The following PPP2R2B variants were observed in gnomAD, a reference collection of about 807,000 sequenced individuals.
PPP2R2B encodes the protein serine/threonine-protein phosphatase 2A 55 kDa regulatory subunit B beta isoform.
Under a neutral mutation model 46.0 loss-of-function variants are expected in PPP2R2B, and 5 were observed. The ratio of observed to expected loss-of-function variants is 0.11; its 90% CI spans 0.06 to 0.23. The LOEUF (loss-of-function observed/expected upper bound fraction) is 0.23, where lower values mean the gene tolerates loss of function less well. Among genes scored for constraint, PPP2R2B ranks in the 10% least tolerant of loss-of-function variants. The probability of loss-of-function intolerance (pLI) is 1.00; values close to 1 mark genes in which losing one functional copy is unlikely to be tolerated. For synonymous variants in PPP2R2B, 215 were observed against 206.7 expected (o/e 1.04, Z -0.34); for missense variants, 367 against 575.0 (o/e 0.64, Z 3.70).
At chr5:146,605,186 G>A (rs1416791129) in intron 7 of PPP2R2B, among the ~76,000 whole-genome samples, 1 of 152,178 alleles carries the variant, frequency 6.6e-6, no homozygotes, top group African/African-American at 2.4e-5. Context: ...CTCACAGCTA[G>A]TAGGAACAGA....
At position 146,855,257 on chromosome 5, in the gene PPP2R2B, A is replaced by C. The variant is rs138750868; in HGVS notation, c.70+22745T>G. Among the ~76,000 whole-genome samples the C allele has an allele frequency of 3.7e-3, 565 of 152,332 alleles. 1 individual carries two copies. The highest frequency in any genetic ancestry group is 5.7e-3 in the Non-Finnish European group (388 of 68,030). The stretch of plus-strand genomic sequence containing the variant: ...GAGCAAAAGGTAATTTTTCAATAGC[A>C]AGGGAAGAGCTGAACTCTACCTCAC... On this transcript the variant is annotated intron_variant, in intron 2 of 9. Coordinates refer to ENST00000394411, the MANE Select transcript of PPP2R2B (RefSeq NM_181675.4).
chr5:146,767,581 T>A (rs1027483375), intron 2 of PPP2R2B, among the ~76,000 whole-genome samples: 1 of 152,038 alleles, frequency 6.6e-6, no homozygotes, highest in African/African-American at 2.4e-5. Flanking sequence ...TTTAGTAGAC[T>A]TTTTTAGAGC....
intron 1 of PPP2R2B, among the ~76,000 whole-genome samples, chr5:146,990,274 T>C (rs1753636719): frequency 6.6e-6 from 1 of 151,970 alleles, no homozygotes; most frequent in Middle Eastern, 3.4e-3. Flanking sequence ...AATTACCAAA[T>C]AAATTTTGAG....
intron 3 of PPP2R2B, among the ~76,000 whole-genome samples, chr5:146,699,602 G>C (rs1779414048): frequency 6.6e-6 from 1 of 150,912 alleles, no homozygotes; most frequent in Non-Finnish European, 1.5e-5. Flanking sequence ...TGCTGCCTTG[G>C]GTAATTTATG....
rs1754364088 is a variant in PPP2R2B, at chr5:146,764,665, T to C, written c.71-63523A>G. ...TCCATTATACATCTCCATTCAGTCA[T>C]AGGCAACCTCAGTGGGAATGTCACA... is the stretch of plus-strand genomic sequence containing the variant. On this transcript the variant is annotated intron_variant, in intron 2 of 9. Coordinates refer to ENST00000394411, the MANE Select transcript of PPP2R2B (RefSeq NM_181675.4). Among the ~76,000 whole-genome samples, 5 of 152,268 alleles carry C rather than the reference T, an allele frequency of 3.3e-5. No individual in the cohort carries two copies. In the South Asian group the frequency reaches 1.0e-3, roughly 32 times the overall value.
In PPP2R2B at chr5:146,685,937, C is replaced by T. The variant is rs545538185; in HGVS notation, c.447+5191G>A. On this transcript the variant is annotated intron_variant, in intron 5 of 9. Transcript: ENST00000394411. Reference sequence around the variant, plus strand: ...GTATGTTAAGAGAGCTTTGATAAAACGTTCTGAGAGACATCAATCAATAAT... The same window carrying T: ...GTATGTTAAGAGAGCTTTGATAAAATGTTCTGAGAGACATCAATCAATAAT... 3.5e-4 allele frequency among the ~76,000 whole-genome samples: 53 copies of T among 152,240 alleles called. No individual in the cohort carries two copies. The South Asian group carries it at 5.6e-3, about 16-fold the overall frequency.
At chr5:146,916,932 C>T (rs1254658966) in intron 1 of PPP2R2B, among the ~76,000 whole-genome samples, 1 of 152,010 alleles carries the variant, frequency 6.6e-6, no homozygotes, top group African/African-American at 2.4e-5. Flanking sequence ...TGAATTTGCT[C>T]ATCTAAAAAT....
chr5:146,808,842 G>A (rs564817184), intron 2 of PPP2R2B, among the ~76,000 whole-genome samples: 242 of 152,298 alleles, frequency 1.6e-3, no homozygotes, highest in African/African-American at 5.6e-3. Flanking sequence ...TCATGTTGGA[G>A]TTTGCAATCA....
At chr5:146,779,584 A>G (rs1297850138) in intron 2 of PPP2R2B, among the ~76,000 whole-genome samples, 1 of 152,158 alleles carries the variant, frequency 6.6e-6, no homozygotes, top group Admixed American at 6.5e-5. Context: ...AGAAGATAAA[A>G]TTTAATTAAT....
chr5:147,077,310 A>C (rs180824717), intron 2 of PPP2R2B, among the ~76,000 whole-genome samples: 2,214 of 130,956 alleles, frequency 0.017, 18 homozygotes, highest in Non-Finnish European at 0.02. Context: ...ACACACACAC[A>C]CCCACACCCA....
chr5:146,706,183 G>A (rs912528737), intron 2 of PPP2R2B, among the ~76,000 whole-genome samples: 10 of 152,150 alleles, frequency 6.6e-5, no homozygotes, highest in African/African-American at 1.4e-4. Context: ...GGAGGGGCAG[G>A]CTGGGAGGGG....
chr5:147,025,371 G>A (rs761793879), intron 1 of PPP2R2B, among the ~76,000 whole-genome samples: 5 of 151,626 alleles, frequency 3.3e-5, no homozygotes, highest in East Asian at 1.9e-4. Flanking sequence ...ATGTAAACTC[G>A]CTCAAAAAAT....
chr5:147,054,788 A>G (rs1011193363), intron 1 of PPP2R2B: 3 of 431,832 alleles, frequency 6.9e-6, no homozygotes, highest in African/African-American at 2.0e-5. Flanking sequence ...ATCAAATGCC[A>G]CTAGTAGGAC....
intron 2 of PPP2R2B, among the ~76,000 whole-genome samples, chr5:146,731,496 TCTC>T (rs750675753): frequency 6.6e-6 from 1 of 152,240 alleles, no homozygotes; most frequent in Non-Finnish European, 1.5e-5. Flanking sequence ...TGTATATTCT[TCTC>T]CTTTCCCTCT....
rs796649428 is a variant in PPP2R2B, at chr5:146,832,559, T to A, written c.70+45443A>T. ...GGTGCCTGCCACCACACCCAGCTAG[T>A]TTTTTTGTATTTTTAGTAGAGACAG... On this transcript the variant is annotated intron_variant, in intron 2 of 9. Coordinates refer to ENST00000394411, the MANE Select transcript of PPP2R2B (RefSeq NM_181675.4). Among the ~76,000 whole-genome samples the A allele has an allele frequency of 6.6e-4, 100 of 151,714 alleles. 1 individual carries two copies. The highest frequency in any genetic ancestry group is 2.4e-3 in the African/African-American group (100 of 41,380).
intron 1 of PPP2R2B, among the ~76,000 whole-genome samples, chr5:146,978,509 C>A (rs201895729): frequency 1.3e-5 from 2 of 152,100 alleles, no homozygotes; most frequent in African/African-American, 2.4e-5. Context: ...TTACGTACTA[C>A]GTTTAAGTCT....
At chr5:147,079,379 T>G (rs1389123934) in intron 2 of PPP2R2B, among the ~76,000 whole-genome samples, 1 of 145,428 alleles carries the variant, frequency 6.9e-6, no homozygotes, top group Non-Finnish European at 1.5e-5. Flanking sequence ...ATATAATATG[T>G]GATATAAAAT....
rs1232612648 is a variant in PPP2R2B, at chr5:146,991,478, A to G, written c.79+64187T>C. ...TGGCCAATAGGTACAACATTACATT[A>G]GGCAGAAATAATAAGTTCTGGTCAT... On this transcript the variant is annotated intron_variant, in intron 1 of 8. Transcript: ENST00000336640. 3.3e-5 allele frequency among the ~76,000 whole-genome samples: 5 copies of G among 152,310 alleles called. No individual in the cohort carries two copies. The East Asian group carries it at 7.7e-4, about 23-fold the overall frequency.
intron 1 of PPP2R2B, among the ~76,000 whole-genome samples, chr5:146,955,316 T>C (rs567084731): frequency 2.0e-5 from 3 of 152,324 alleles, no homozygotes; most frequent in Non-Finnish European, 2.9e-5. Context: ...AAATTATAAA[T>C]ATTGATTCAT....
Sources: allele counts gnomAD v4.1 joint callset (sites outside exome capture counted in the v4.1 genomes callset), GRCh38; gene constraint gnomAD v4.1.1; transcripts MANE v1.5; gene names NCBI Gene and HGNC (gene_info 2026-07-23, HGNC 2026-07-21).